Variants in PRKN observed in about 807,000 individuals in gnomAD.
PRKN encodes E3 ubiquitin-protein ligase parkin.
Under a neutral mutation model 59.5 loss-of-function variants are expected in PRKN, and 56 were observed. The observed-to-expected ratio is 0.94, with a 90% CI of 0.76 to 1.18. The LOEUF is 1.18. Ranked by LOEUF, PRKN falls within the 50% of genes most tolerant of loss-of-function variation. The pLI is 0.00. For missense variants in PRKN, 657 were observed against 596.4 expected (o/e 1.10, Z -1.06); for synonymous variants, 250 against 222.1 (o/e 1.13, Z -1.12).
intron 5 of PRKN, among the ~76,000 whole-genome samples, chr6:161,986,508 T>A (rs1583443128): frequency 8.1e-6 from 1 of 122,990 alleles, no homozygotes; most frequent in East Asian, 2.4e-4. Flanking sequence ...TTTTTTTTTT[T>A]AAGACTTTGA....
At chr6:162,209,657 T>C (rs1785108735) in intron 3 of PRKN, among the ~76,000 whole-genome samples, 2 of 152,160 alleles carry the variant, frequency 1.3e-5, no homozygotes, top group Non-Finnish European at 2.9e-5. Flanking sequence ...CACACGCACA[T>C]GTTTGCTTAT....
chr6:161,977,036 C>G (rs748081639), intron 5 of PRKN, among the ~76,000 whole-genome samples: 15 of 152,108 alleles, frequency 9.9e-5, no homozygotes, highest in Non-Finnish European at 2.1e-4. Flanking sequence ...CATTGCCAAC[C>G]CTATATTAAA....
At chr6:161,411,151 G>T (rs566943437) in intron 9 of PRKN, among the ~76,000 whole-genome samples, 5 of 152,098 alleles carry the variant, frequency 3.3e-5, no homozygotes, top group Non-Finnish European at 7.4e-5. Context: ...GACCCTGGAG[G>T]CTCTAGGTCA....
intron 6 of PRKN, among the ~76,000 whole-genome samples, chr6:161,858,945 T>G (rs1350313213): frequency 7.3e-5 from 8 of 110,068 alleles, no homozygotes; most frequent in Non-Finnish European, 1.2e-4. Context: ...CACTGCAACC[T>G]CCGTCTCCTG....
At chr6:161,915,004 G>A (rs539017614) in intron 6 of PRKN, among the ~76,000 whole-genome samples, 2 of 152,264 alleles carry the variant, frequency 1.3e-5, no homozygotes, top group East Asian at 1.9e-4. Flanking sequence ...TCTTTTTTGC[G>A]TTGGGTGCGG....
At chr6:162,219,158 T>A (rs776400848) in intron 3 of PRKN, among the ~76,000 whole-genome samples, 4 of 152,098 alleles carry the variant, frequency 2.6e-5, no homozygotes, top group Non-Finnish European at 5.9e-5. Context: ...GCCACTGTAC[T>A]CCAGCCTGGG....
At chr6:162,501,988 G>A (rs749399407) in intron 1 of PRKN, among the ~76,000 whole-genome samples, 1 of 152,134 alleles carries the variant, frequency 6.6e-6, no homozygotes, top group Non-Finnish European at 1.5e-5. Context: ...ATTTTAATAG[G>A]TCATCTATCT....
chr6:162,444,807 T>G (rs1244653775), intron 1 of PRKN, among the ~76,000 whole-genome samples: 1 of 152,206 alleles, frequency 6.6e-6, no homozygotes, highest in Non-Finnish European at 1.5e-5. Flanking sequence ...TTAATTGGCT[T>G]AGGATGCTAG....
At chr6:162,337,198 A>G (rs926142616) in intron 2 of PRKN, among the ~76,000 whole-genome samples, 1 of 152,216 alleles carries the variant, frequency 6.6e-6, no homozygotes, top group South Asian at 2.1e-4. Context: ...ACCATTTAGT[A>G]TGAATCTGCC....
At chr6:161,587,287 G>A (rs535516492) in intron 7 of PRKN, among the ~76,000 whole-genome samples, 1 of 152,240 alleles carries the variant, frequency 6.6e-6, no homozygotes, top group South Asian at 2.1e-4. Flanking sequence ...CTTTATTATT[G>A]ATGTTTAGCA....
chr6:161,374,513 G>GCAGGTTATGTATAT (rs1785575351), intron 10 of PRKN, among the ~76,000 whole-genome samples: 1 of 142,416 alleles, frequency 7.0e-6, no homozygotes, highest in Non-Finnish European at 1.5e-5. Context: ...ATGTATGTGT[G>GCAGGTTATGTATAT]GTGTGTGTAA....
chr6:162,026,662 T>G (rs1783447137), intron 5 of PRKN, among the ~76,000 whole-genome samples: 1 of 152,142 alleles, frequency 6.6e-6, no homozygotes, highest in African/African-American at 2.4e-5. Flanking sequence ...TTATCTGCTT[T>G]GCTTTTTTTT....
chr6:161,947,028 A>C (rs1272609199), intron 6 of PRKN, among the ~76,000 whole-genome samples: 2 of 152,198 alleles, frequency 1.3e-5, no homozygotes, highest in African/African-American at 2.4e-5. Context: ...ACTTATATTT[A>C]TAGACAGGCA....
At chr6:162,493,281 T>C (rs1312695344) in intron 1 of PRKN, among the ~76,000 whole-genome samples, 1 of 152,150 alleles carries the variant, frequency 6.6e-6, no homozygotes, top group Non-Finnish European at 1.5e-5. Flanking sequence ...CTTCTCCCTT[T>C]ATCCTTCCTG....
At position 161,549,136 on chromosome 6, in the gene PRKN, G is replaced by A; in HGVS notation, c.934-133C>T. The A allele has an allele frequency of 1.2e-6, 1 of 806,492 alleles. No individual in the cohort carries two copies. The highest frequency in any genetic ancestry group is 2.0e-6 in the Non-Finnish European group (1 of 495,314). The allele number at this position is 806,492 out of a possible 1,614,324, so 50.0% of individuals were successfully genotyped here. ...ATAATGCATGTGTGTGTGTGTGTGT[G>A]TGTGTAGGGGGAGGGAGAGGGCCAC... On this transcript the variant is annotated intron_variant, in intron 8 of 11. Coordinates refer to ENST00000366898, the MANE Select transcript of PRKN (RefSeq NM_004562.3). The surrounding 1 kb of genome is among the most constrained non-coding windows in gnomAD (Gnocchi z 6.0).
intron 1 of PRKN, among the ~76,000 whole-genome samples, chr6:162,577,947 T>A (rs1036396207): frequency 6.6e-6 from 1 of 152,222 alleles, no homozygotes; most frequent in East Asian, 1.9e-4. Flanking sequence ...ATAATTAATT[T>A]AAAAAATTTT....
At chr6:161,935,884 C>T (rs949253128) in intron 6 of PRKN, among the ~76,000 whole-genome samples, 4 of 152,150 alleles carry the variant, frequency 2.6e-5, no homozygotes, top group Non-Finnish European at 5.9e-5. Flanking sequence ...ACTAACAGCA[C>T]AAACAATAGC....
chr6:162,258,149 T>TGG (rs1779732181), intron 3 of PRKN, among the ~76,000 whole-genome samples: 1 of 152,144 alleles, frequency 6.6e-6, no homozygotes, highest in Admixed American at 6.6e-5. Flanking sequence ...CTGCTGTATA[T>TGG]TACGGAACTC....
intron 2 of PRKN, among the ~76,000 whole-genome samples, chr6:162,273,062 A>G (rs1243006105): frequency 2.6e-5 from 4 of 151,804 alleles, no homozygotes; most frequent in Admixed American, 2.6e-4. Flanking sequence ...TTGACCATAG[A>G]AGACAAGTAC....
Sources: allele counts gnomAD v4.1 joint callset (sites outside exome capture counted in the v4.1 genomes callset), GRCh38; gene constraint gnomAD v4.1.1; non-coding constraint Gnocchi (gnomAD v3.1); transcripts MANE v1.5; gene names NCBI Gene and HGNC (gene_info 2026-07-23, HGNC 2026-07-21).